The following STAU1 variants were observed in gnomAD, a reference collection of about 807,000 sequenced individuals.
STAU1 encodes the protein staufen double-stranded RNA binding protein 1.
A neutral mutation model predicts 62.9 loss-of-function variants in STAU1; 13 were observed. The ratio of observed to expected loss-of-function variants is 0.21; its 90% CI spans 0.13 to 0.33. The LOEUF (loss-of-function observed/expected upper bound fraction) is 0.33, where lower values mean the gene tolerates loss of function less well. Ranked by LOEUF, STAU1 falls within the 10% of genes least tolerant of loss-of-function variation. The probability of loss-of-function intolerance (pLI) is 1.00; values close to 1 mark genes in which losing one functional copy is unlikely to be tolerated. For synonymous variants in STAU1, 269 were observed against 265.1 expected (o/e 1.01, Z -0.14); for missense variants, 571 against 712.1 (o/e 0.80, Z 2.25).
chr20:49,213,845 A>G, the STAU1 span, among the ~76,000 whole-genome samples: 1 of 152,236 alleles, frequency 6.6e-6, no homozygotes, highest in Non-Finnish European at 1.5e-5. Context: ...ACTGAAAACC[A>G]CGAAAAGATC....
At chr20:49,187,413 A>T (rs954101566) in intron 1 of STAU1, among the ~76,000 whole-genome samples, 2 of 152,166 alleles carry the variant, frequency 1.3e-5, no homozygotes, top group African/African-American at 4.8e-5. Context: ...CACGCGGAAC[A>T]CTGCAGCCTC....
chr20:49,153,418 A>C (rs1568888553), intron 4 of STAU1, among the ~76,000 whole-genome samples: 1 of 138,906 alleles, frequency 7.2e-6, no homozygotes, highest in Non-Finnish European at 1.6e-5. Flanking sequence ...AAAAAAAAAG[A>C]GGCGCAGCCA....
intron 5 of STAU1, among the ~76,000 whole-genome samples, chr20:49,146,598 A>C (rs951341902): frequency 1.3e-5 from 2 of 151,664 alleles, no homozygotes; most frequent in Non-Finnish European, 2.9e-5. Context: ...GCTACTTAGG[A>C]GGCTGAGATG....
At chr20:49,135,424 T>C (rs898337681) in intron 6 of STAU1, among the ~76,000 whole-genome samples, 3 of 152,218 alleles carry the variant, frequency 2.0e-5, no homozygotes, top group Non-Finnish European at 2.9e-5. Context: ...GGGCAGACGC[T>C]AGACAATGAC....
At chr20:49,140,973 T>C (rs1347470399) in intron 5 of STAU1, among the ~76,000 whole-genome samples, 4 of 133,836 alleles carry the variant, frequency 3.0e-5, no homozygotes, top group African/African-American at 8.8e-5. Context: ...TTTTAATAGA[T>C]GATCTGTTTA....
intron 3 of STAU1, chr20:49,158,627 T>C (rs887340631): frequency 6.4e-5 from 43 of 669,492 alleles, no homozygotes; most frequent in Non-Finnish European, 9.0e-5. Flanking sequence ...CTGGCCTACA[T>C]AGTGAAACCC....
intron 8 of STAU1, among the ~76,000 whole-genome samples, chr20:49,120,706 C>T (rs543946541): frequency 1.3e-5 from 2 of 152,186 alleles, no homozygotes; most frequent in Admixed American, 6.5e-5. Flanking sequence ...AATATCTTCC[C>T]GTCTTTGAAA....
rs189224495 is a variant in STAU1, at chr20:49,166,623, A to T, written c.-84-338T>A. On this transcript the variant is annotated intron_variant, in intron 2 of 13. Transcript: ENST00000371856. Reference sequence around the variant, plus strand: ...AAAATGCAAATTTGAAAGTATGGAGAGGTTTCCATAGTAATTGGGGCACAG... The same window carrying T: ...AAAATGCAAATTTGAAAGTATGGAGTGGTTTCCATAGTAATTGGGGCACAG... 2.0e-5 allele frequency among the ~76,000 whole-genome samples: 3 copies of T among 152,324 alleles called. No homozygotes were observed. In the East Asian group the frequency reaches 5.8e-4, roughly 29 times the overall value.
At chr20:49,186,460 G>A (rs2093788720) in intron 1 of STAU1, among the ~76,000 whole-genome samples, 1 of 152,048 alleles carries the variant, frequency 6.6e-6, no homozygotes, top group Admixed American at 6.6e-5. Context: ...TGTGTTAAGA[G>A]ATGGGTATAA....
At chr20:49,184,482 G>A (rs1600905997) in intron 1 of STAU1, among the ~76,000 whole-genome samples, 1 of 152,000 alleles carries the variant, frequency 6.6e-6, no homozygotes, top group Non-Finnish European at 1.5e-5. Context: ...GAAATCAAGA[G>A]TACCCAGAGA....
the STAU1 span, among the ~76,000 whole-genome samples, chr20:49,207,429 T>G: frequency 6.6e-6 from 1 of 152,118 alleles, no homozygotes; most frequent in Non-Finnish European, 1.5e-5. Flanking sequence ...GCAGGCCTCT[T>G]TTTCTGTCTT....
Sources: allele counts gnomAD v4.1 joint callset (sites outside exome capture counted in the v4.1 genomes callset), GRCh38; gene constraint gnomAD v4.1.1; transcripts MANE v1.5; gene names NCBI Gene and HGNC (gene_info 2026-07-23, HGNC 2026-07-21).